Variants in SUPT20H observed in about 807,000 individuals in gnomAD.
SUPT20H encodes the protein transcription factor SPT20 homolog.
SUPT20H carries 82 observed loss-of-function variants against 122.8 expected under a neutral mutation model. The observed-to-expected ratio is 0.67, with a 90% CI of 0.56 to 0.80. The LOEUF (loss-of-function observed/expected upper bound fraction) is 0.80, where lower values mean the gene tolerates loss of function less well. SUPT20H is among the 30% of genes least tolerant of loss of function. SUPT20H has a pLI of 0.00. For missense variants in SUPT20H, 831 were observed against 921.6 expected (o/e 0.90, Z 1.27); for synonymous variants, 291 against 313.0 (o/e 0.93, Z 0.74).
chr13:37,032,357 A>T lies in SUPT20H; in HGVS notation c.708-462T>A, dbSNP rs561319003. ...ATAACTTCCAGTTTTGGGTACAGGCATGTAAGACTCCGGAAGTTGCCACCT... is the reference window on the plus strand; with the variant it reads ...ATAACTTCCAGTTTTGGGTACAGGCTTGTAAGACTCCGGAAGTTGCCACCT... On this transcript the variant is annotated intron_variant, in intron 10 of 25. Coordinates refer to ENST00000350612, the MANE Select transcript of SUPT20H (RefSeq NM_001014286.3). 7.1e-4 allele frequency among the ~76,000 whole-genome samples: 108 copies of T among 152,262 alleles called. No homozygotes were observed. The South Asian group carries it at 0.015, about 21-fold the overall frequency.
At chr13:37,045,918 A>T (rs2066331054) in intron 5 of SUPT20H, among the ~76,000 whole-genome samples, 1 of 152,128 alleles carries the variant, frequency 6.6e-6, no homozygotes, top group Non-Finnish European at 1.5e-5. Flanking sequence ...AGCAATTTGG[A>T]CATTTTCTAT....
At chr13:37,023,288 A>G (rs2061666418) in intron 19 of SUPT20H, among the ~76,000 whole-genome samples, 1 of 152,200 alleles carries the variant, frequency 6.6e-6, no homozygotes. Context: ...ATCACTGTGC[A>G]GTGTACTAAA....
intron 7 of SUPT20H, among the ~76,000 whole-genome samples, chr13:37,041,495 G>A (rs1315934500): frequency 6.6e-6 from 1 of 150,846 alleles, no homozygotes; most frequent in East Asian, 1.9e-4. Context: ...TCCAGCCTGG[G>A]TGACAGAACG....
chr13:37,020,549 T>C (rs950944655), intron 21 of SUPT20H, among the ~76,000 whole-genome samples: 8 of 152,144 alleles, frequency 5.3e-5, no homozygotes, highest in African/African-American at 7.2e-5. Context: ...AGTAGTTACA[T>C]GTAAATATCC....
At chr13:37,035,246 G>A (rs2138276887) in intron 9 of SUPT20H, among the ~76,000 whole-genome samples, 1 of 152,300 alleles carries the variant, frequency 6.6e-6, no homozygotes, top group Non-Finnish European at 1.5e-5. Context: ...AAAACTTTCT[G>A]GAAAGGATGT....
Position 37,031,851 on chromosome 13 carries a change from T to A in SUPT20H, c.752A>T (p.Asp251Val), listed in dbSNP as rs775195824. 5.0e-6 allele frequency: 8 copies of A among 1,604,814 alleles called. No individual in the cohort carries two copies. The South Asian group carries it at 7.9e-5, about 16-fold the overall frequency. The change falls in exon 11 of 26, where the codon GAT (aspartate) becomes GTT (valine). Residue 251 changes from aspartate to valine, a missense_variant. Transcript: ENST00000350612. The part of the protein sequence containing the change: ...YSRSSLNRQQ[D>V]LSHCPPPPQL... ...AGGAGGAGGTGGACAATGAGATAGA[T>A]CTTGCTGCCGATTCAGAGAGGATCT...
intron 1 of SUPT20H, among the ~76,000 whole-genome samples, chr13:37,058,495 T>C (rs1229774297): frequency 6.6e-6 from 1 of 152,204 alleles, no homozygotes; most frequent in Non-Finnish European, 1.5e-5. Context: ...TTAAGATTTC[T>C]TGTCACTAAA....
At chr13:37,056,459 T>C (rs2069060623) in intron 1 of SUPT20H, among the ~76,000 whole-genome samples, 1 of 152,202 alleles carries the variant, frequency 6.6e-6, no homozygotes, top group Non-Finnish European at 1.5e-5. Context: ...GTTCATGTCC[T>C]TTGCAGTGAC....
At chr13:37,054,567 C>T (rs914533717) in intron 1 of SUPT20H, among the ~76,000 whole-genome samples, 22 of 152,302 alleles carry the variant, frequency 1.4e-4, no homozygotes, top group South Asian at 6.2e-4. Context: ...AATTCAACAA[C>T]GCTTCATGCT....
chr13:37,014,130 C>T (rs1055701981), intron 23 of SUPT20H, among the ~76,000 whole-genome samples: 38 of 151,814 alleles, frequency 2.5e-4, no homozygotes, highest in Non-Finnish European at 8.8e-5. Context: ...ACTAAGCTAA[C>T]GTTAATCAAA....
intron 2 of SUPT20H, among the ~76,000 whole-genome samples, chr13:37,049,523 T>G (rs2067196982): frequency 6.6e-6 from 1 of 152,132 alleles, no homozygotes; most frequent in Non-Finnish European, 1.5e-5. Flanking sequence ...GAGGATCACC[T>G]GAGGTAAGGA....
At chr13:37,016,429 CA>C (rs66581438) in intron 23 of SUPT20H, among the ~76,000 whole-genome samples, 113,247 of 139,774 alleles carry the variant, frequency 0.81, 46,004 homozygotes, top group East Asian at 0.99. Context: ...GACTCTGTCT[CA>C]AAAAAAAAAA....
At chr13:37,029,923 TA>T in intron 12 of SUPT20H, 87 bp from the exon 13 acceptor site, 2 of 1,016,530 alleles carry the variant, frequency 2.0e-6, no homozygotes, top group Non-Finnish European at 1.4e-6. Flanking sequence ...GAGAAGAAAC[TA>T]AGTAACTCGA....
At chr13:37,013,585 C>T (rs1013393781) in intron 23 of SUPT20H, 3 of 151,836 alleles carry the variant, frequency 2.0e-5, no homozygotes, top group Non-Finnish European at 4.4e-5. Flanking sequence ...GTAAAGAGTT[C>T]CGAGACATGA....
At chr13:37,052,353 C>T (rs1260931129) in intron 1 of SUPT20H, among the ~76,000 whole-genome samples, 2 of 152,008 alleles carry the variant, frequency 1.3e-5, no homozygotes, top group Non-Finnish European at 2.9e-5. Context: ...AGAACAGAGG[C>T]CTCAGAAATA....
At chr13:37,036,144 C>G (rs1251554108) in intron 9 of SUPT20H, among the ~76,000 whole-genome samples, 1 of 152,058 alleles carries the variant, frequency 6.6e-6, no homozygotes, top group African/African-American at 2.4e-5. Flanking sequence ...CTTCCAGAAG[C>G]AAAAAGATTA....
At chr13:37,050,191 C>T (rs956399303) in intron 2 of SUPT20H, among the ~76,000 whole-genome samples, 2 of 151,522 alleles carry the variant, frequency 1.3e-5, no homozygotes, top group African/African-American at 2.4e-5. Flanking sequence ...CTTTTCAAAA[C>T]GTTCAGTTAT....
intron 12 of SUPT20H, among the ~76,000 whole-genome samples, chr13:37,031,003 A>G (rs2063198708): frequency 6.6e-6 from 1 of 152,190 alleles, no homozygotes; most frequent in Non-Finnish European, 1.5e-5. Context: ...AAAACAACAG[A>G]GGAGAAAGAA....
chr13:37,045,499 A>G, intron 5 of SUPT20H, 126 bp from the exon 6 acceptor site: 1 of 1,231,558 alleles, frequency 8.1e-7, no homozygotes, highest in East Asian at 2.5e-5. Flanking sequence ...GATTCTGAAT[A>G]AATGGAGAAG....
Sources: gnomAD v4.1 joint callset for allele counts (sites outside exome capture counted in the v4.1 genomes callset) on GRCh38, gnomAD v4.1.1 for gene constraint, MANE v1.5 for transcripts, NCBI Gene and HGNC (gene_info 2026-07-23, HGNC 2026-07-21) for gene names.